Variants in CSMD1 observed in about 807,000 individuals in gnomAD.
The protein encoded by CSMD1 is CUB and Sushi multiple domains 1.
A neutral mutation model predicts 417.5 loss-of-function variants in CSMD1; 213 were observed. The ratio of observed to expected loss-of-function variants is 0.51; its 90% CI spans 0.46 to 0.57. CSMD1 has a LOEUF of 0.57. CSMD1 is among the 20% of genes least tolerant of loss of function. The pLI is 0.00. For missense variants in CSMD1, 6,923 were observed against 4,529.7 expected, an observed-to-expected ratio of 1.53 and a Z score of -15.17; for synonymous variants, 2,862 against 1,736.8, an observed-to-expected ratio of 1.65 and a Z score of -16.11.
At chr8:3,177,452 C>G (rs1490480651) in intron 37 of CSMD1, among the ~76,000 whole-genome samples, 1 of 152,166 alleles carries the variant, frequency 6.6e-6, no homozygotes, top group Non-Finnish European at 1.5e-5. Context: ...CAAAACCTGT[C>G]ATTTCAGGAT....
chr8:3,740,847 G>C (rs1396831933), intron 6 of CSMD1, among the ~76,000 whole-genome samples: 1 of 152,124 alleles, frequency 6.6e-6, no homozygotes, highest in Non-Finnish European at 1.5e-5. Flanking sequence ...CAGTGGAGGA[G>C]AGTATAGCAG....
chr8:4,646,683 C>T (rs981750443), intron 1 of CSMD1, among the ~76,000 whole-genome samples: 9 of 152,048 alleles, frequency 5.9e-5, no homozygotes, highest in African/African-American at 2.2e-4. Flanking sequence ...ATTGTAATAC[C>T]ATGCTCTATT....
Position 3,087,305 on chromosome 8 carries a change from C to A in CSMD1, c.7286-20G>T, listed in dbSNP as rs1554509114. 1 of 1,609,582 alleles carries A rather than the reference C, an allele frequency of 6.2e-7. No homozygotes were observed. Among genetic ancestry groups the A allele is most frequent in the Non-Finnish European group, 8.5e-7 (1 of 1,176,486 alleles). The stretch of plus-strand genomic sequence containing the variant: ...AAGGTGCTGTGGGCAGACAGACACA[C>A]ACAGAAATAAGTCAACAAGCAAACA... On this transcript the variant is annotated intron_variant, in intron 48 of 69. Transcript: ENST00000635120.
At chr8:4,417,584 C>G (rs75632130) in intron 3 of CSMD1, among the ~76,000 whole-genome samples, 4 of 151,848 alleles carry the variant, frequency 2.6e-5, no homozygotes, top group Non-Finnish European at 5.9e-5. Flanking sequence ...TGCCTTTATA[C>G]GTCTTGGATT....
chr8:3,024,543 G>A (rs1202212188), intron 51 of CSMD1, among the ~76,000 whole-genome samples: 1 of 152,158 alleles, frequency 6.6e-6, no homozygotes, highest in Non-Finnish European at 1.5e-5. Context: ...CTGACCTCAG[G>A]TGATCCACTC....
chr8:4,935,398 T>C (rs1439854454), intron 1 of CSMD1, among the ~76,000 whole-genome samples: 5 of 152,216 alleles, frequency 3.3e-5, no homozygotes, highest in Admixed American at 6.5e-5. Flanking sequence ...TCAAAAGCCC[T>C]ATTACTCTGT....
intron 44 of CSMD1, 94 bp downstream of exon 44, chr8:3,108,509 A>G (rs561043764): frequency 2.2e-6 from 3 of 1,339,656 alleles, no homozygotes; most frequent in East Asian, 2.4e-5. Flanking sequence ...GGCTGAATCA[A>G]GAAACTTCAG....
chr8:3,426,155 C>A (rs1813825157), intron 12 of CSMD1, among the ~76,000 whole-genome samples: 1 of 152,184 alleles, frequency 6.6e-6, no homozygotes, highest in African/African-American at 2.4e-5. Flanking sequence ...CTAATACTTT[C>A]CTTTCAATAA....
chr8:4,419,491 A>C (rs1797128739), intron 3 of CSMD1, among the ~76,000 whole-genome samples: 1 of 152,184 alleles, frequency 6.6e-6, no homozygotes, highest in South Asian at 2.1e-4. Context: ...TTGCATGATC[A>C]AACAACAGTA....
chr8:3,774,877 G>C (rs62479704), intron 5 of CSMD1, among the ~76,000 whole-genome samples: 39,179 of 151,966 alleles, frequency 0.26, 6,225 homozygotes, highest in Admixed American at 0.34. Context: ...ACAGAGTGCT[G>C]AGCCCATATG....
chr8:3,194,062 G>C (rs112093089), intron 33 of CSMD1, among the ~76,000 whole-genome samples: 1 of 152,086 alleles, frequency 6.6e-6, no homozygotes, highest in Non-Finnish European at 1.5e-5. Context: ...CTCTCTCATC[G>C]TTGGAAAATC....
intron 3 of CSMD1, among the ~76,000 whole-genome samples, chr8:4,083,617 C>G (rs1253958102): frequency 6.6e-6 from 1 of 152,044 alleles, no homozygotes; most frequent in Admixed American, 6.6e-5. Flanking sequence ...ATTAATGGTG[C>G]TGGGAAAACT....
At chr8:3,447,774 G>A (rs947147905) in intron 12 of CSMD1, among the ~76,000 whole-genome samples, 7 of 152,214 alleles carry the variant, frequency 4.6e-5, no homozygotes, top group Non-Finnish European at 8.8e-5. Flanking sequence ...GTTCCTGGAT[G>A]TGGCAGTGGA....
At chr8:3,346,482 A>G (rs1484200059) in intron 22 of CSMD1, among the ~76,000 whole-genome samples, 1 of 152,236 alleles carries the variant, frequency 6.6e-6, no homozygotes, top group Non-Finnish European at 1.5e-5. Flanking sequence ...CCTAAAAACC[A>G]CTTCTTCATG....
At chr8:3,207,549 A>G (rs1797373252) in intron 30 of CSMD1, among the ~76,000 whole-genome samples, 1 of 152,122 alleles carries the variant, frequency 6.6e-6, no homozygotes. Flanking sequence ...TGGACAGAAC[A>G]TTTTCCATGA....
chr8:2,979,054 T>C (rs1436059205), intron 54 of CSMD1, among the ~76,000 whole-genome samples: 1 of 152,188 alleles, frequency 6.6e-6, no homozygotes, highest in Non-Finnish European at 1.5e-5. Context: ...CCTAGTAATG[T>C]TTATTCAACG....
At chr8:4,445,679 T>G (rs1798742425) in intron 2 of CSMD1, among the ~76,000 whole-genome samples, 1 of 152,182 alleles carries the variant, frequency 6.6e-6, no homozygotes, top group Non-Finnish European at 1.5e-5. Flanking sequence ...AACATTACAT[T>G]GTCACTTTCC....
chr8:4,943,063 G>A (rs764839564), intron 1 of CSMD1, among the ~76,000 whole-genome samples: 9 of 152,120 alleles, frequency 5.9e-5, no homozygotes, highest in Non-Finnish European at 1.2e-4. Context: ...AGACATGAAA[G>A]TAATTGTTCA....
At chr8:3,827,890 G>A (rs1407084870) in intron 5 of CSMD1, among the ~76,000 whole-genome samples, 4 of 152,144 alleles carry the variant, frequency 2.6e-5, no homozygotes, top group Non-Finnish European at 5.9e-5. Flanking sequence ...ATCCCCATGG[G>A]CTCACTCAAA....
Sources: allele counts gnomAD v4.1 joint callset (sites outside exome capture counted in the v4.1 genomes callset), GRCh38; gene constraint gnomAD v4.1.1; transcripts MANE v1.5; gene names NCBI Gene and HGNC (gene_info 2026-07-23, HGNC 2026-07-21).